The following COLQ variants were observed in gnomAD, a reference collection of about 807,000 sequenced individuals.
COLQ encodes collagen like tail subunit of asymmetric acetylcholinesterase, also known as acetylcholinesterase collagenic tail peptide.
In COLQ, 48 loss-of-function variants were observed where a neutral mutation model predicts 69.0. The observed-to-expected ratio is 0.70, with a 90% CI of 0.55 to 0.88. The LOEUF is 0.88. COLQ is among the 40% of genes least tolerant of loss of function. The pLI is 0.00. For synonymous variants in COLQ, 217 were observed against 211.2 expected, an observed-to-expected ratio of 1.03 and a Z score of -0.24; for missense variants, 618 against 594.6, an observed-to-expected ratio of 1.04 and a Z score of -0.41.
At chr3:15,494,798 G>A (rs1575487537) in intron 1 of COLQ, among the ~76,000 whole-genome samples, 3 of 152,236 alleles carry the variant, frequency 2.0e-5, no homozygotes, top group East Asian at 3.9e-4. Context: ...GAGAGCAGGA[G>A]CCAGCTTTTA....
intron 1 of COLQ, among the ~76,000 whole-genome samples, chr3:15,520,255 C>T (rs950472570): frequency 2.0e-5 from 3 of 152,256 alleles, no homozygotes; most frequent in Non-Finnish European, 2.9e-5. Context: ...CACACACCCA[C>T]GGTGACACCA....
chr3:15,509,703 A>G lies in COLQ; in HGVS notation c.106+11817T>C, dbSNP rs574032773. Among the ~76,000 whole-genome samples, 12 of 152,304 alleles carry G rather than the reference A, an allele frequency of 7.9e-5. No homozygotes were observed. In the East Asian group the frequency reaches 2.1e-3, roughly 27 times the overall value. On this transcript the variant is annotated intron_variant, in intron 1 of 16. Transcript: ENST00000383788. ...TCCTTGCAATGATGTTATGGATTGT[A>G]TATTCCCCTTTTCCAGGTGAGGAAA...
At chr3:15,504,541 T>TA (rs1441193276) in intron 1 of COLQ, among the ~76,000 whole-genome samples, 1 of 152,172 alleles carries the variant, frequency 6.6e-6, no homozygotes, top group Admixed American at 6.6e-5. Context: ...TTAATCACTT[T>TA]TATAAAGACC....
chr3:15,467,925 G>A lies in COLQ; in HGVS notation c.718-1488C>T, dbSNP rs961562411. On this transcript the variant is annotated intron_variant, in intron 11 of 16. Transcript: ENST00000383788. ...TTCTTGAACTCTGAATATGGGATCC[G>A]TGAGGTCAGAGTTTATTTCTGATTC... 9 of 456,754 alleles carry A rather than the reference G, an allele frequency of 2.0e-5. No homozygotes were observed. In the East Asian group the frequency reaches 3.5e-4, roughly 18 times the overall value. 28.3% of individuals were successfully genotyped at this position (456,754 alleles called of 1,614,324 possible).
At chr3:15,459,511 C>T in intron 12 of COLQ, among the ~76,000 whole-genome samples, 1 of 148,070 alleles carries the variant, frequency 6.8e-6, no homozygotes, top group Non-Finnish European at 1.5e-5. Flanking sequence ...CGGAGCCTCA[C>T]TCTGTCGCCC....
rs144085896 is a variant in COLQ, at chr3:15,473,593, G to A, written c.636+407C>T. 6.6e-6 allele frequency among the ~76,000 whole-genome samples: 1 copy of A among 152,316 alleles called. No homozygotes were observed. Among genetic ancestry groups the A allele is most frequent in the Non-Finnish European group, 1.5e-5 (1 of 68,022 alleles). ...CTGCAATAAGGCACAGTGACCTTAA[G>A]CTAAAGACACCTGTGCCTTACACTG... On this transcript the variant is annotated intron_variant, in intron 10 of 16. Transcript: ENST00000383788. The surrounding 1 kb of genome is among the most constrained non-coding windows in gnomAD (Gnocchi z 4.0).
intron 11 of COLQ, 31 bp downstream of exon 11, chr3:15,470,505 T>A (rs780452424): frequency 5.0e-6 from 8 of 1,607,074 alleles, no homozygotes; most frequent in South Asian, 4.4e-5. Context: ...AGTTCTGACC[T>A]CAGGCGGGTG....
intron 1 of COLQ, among the ~76,000 whole-genome samples, chr3:15,503,838 C>A (rs2125167000): frequency 6.6e-6 from 1 of 152,162 alleles, no homozygotes; most frequent in South Asian, 2.1e-4. Context: ...TCCTCCACCA[C>A]CACCACCTAG....
intron 12 of COLQ, 143 bp downstream of exon 12, chr3:15,466,198 G>A: frequency 1.6e-6 from 1 of 635,056 alleles, no homozygotes; most frequent in Non-Finnish European, 2.8e-6. Flanking sequence ...GCTAAATCGT[G>A]GAGAAATTAC....
chr3:15,482,486 G>C (rs1332736210), intron 3 of COLQ, among the ~76,000 whole-genome samples: 1 of 152,090 alleles, frequency 6.6e-6, no homozygotes, highest in Non-Finnish European at 1.5e-5. Flanking sequence ...TTTTGTCTTT[G>C]GTTCTGTTTA....
chr3:15,458,619 G>A (rs2062060673), intron 12 of COLQ, among the ~76,000 whole-genome samples: 1 of 152,164 alleles, frequency 6.6e-6, no homozygotes, highest in South Asian at 2.1e-4. Context: ...GAGAAGATAA[G>A]CCAACATGCA....
At chr3:15,519,356 G>A (rs1472305445) in intron 1 of COLQ, among the ~76,000 whole-genome samples, 1 of 152,210 alleles carries the variant, frequency 6.6e-6, no homozygotes, top group Non-Finnish European at 1.5e-5. Flanking sequence ...CCAATGAGAG[G>A]CGCTGCCAAA....
chr3:15,459,288 G>C (rs1167889040), intron 12 of COLQ, among the ~76,000 whole-genome samples: 1 of 152,170 alleles, frequency 6.6e-6, no homozygotes, highest in Non-Finnish European at 1.5e-5. Context: ...GATATGATCA[G>C]AAAGTGTACT....
chr3:15,520,392 T>C (rs1053911774), intron 1 of COLQ, among the ~76,000 whole-genome samples: 3 of 152,194 alleles, frequency 2.0e-5, no homozygotes, highest in Non-Finnish European at 4.4e-5. Context: ...CCCACAAACG[T>C]TGGCTACACA....
At chr3:15,475,609 C>A in intron 6 of COLQ, 122 bp from the exon 7 acceptor site, 1 of 868,470 alleles carries the variant, frequency 1.2e-6, no homozygotes, top group Non-Finnish European at 1.9e-6. Flanking sequence ...AATCTGAGGA[C>A]CCCAGATGCA....
chr3:15,454,648 A>G (rs1575460793), intron 15 of COLQ, among the ~76,000 whole-genome samples: 1 of 113,340 alleles, frequency 8.8e-6, no homozygotes, highest in African/African-American at 3.9e-5. Flanking sequence ...CTTCCCCTGA[A>G]CTGTTTTTTT....
rs566022055 is a variant in COLQ, at chr3:15,459,209, G to C, written c.815-884C>G. The stretch of plus-strand genomic sequence containing the variant: ...CTTTCATTTCTTCTGGAAGAAAATA[G>C]AACATTAGTATATGCTCTGCCCATT... On this transcript the variant is annotated intron_variant, in intron 12 of 16. Transcript: ENST00000383788. Among the ~76,000 whole-genome samples the C allele has an allele frequency of 9.1e-4, 139 of 152,248 alleles. 1 individual carries two copies. Among genetic ancestry groups the C allele is most frequent in the African/African-American group, 3.3e-3 (135 of 41,534 alleles).
At chr3:15,479,273 G>T in intron 4 of COLQ, 65 bp downstream of exon 4, 1 of 1,521,532 alleles carries the variant, frequency 6.6e-7, no homozygotes, top group Non-Finnish European at 9.1e-7. Flanking sequence ...ATTCTCAGTG[G>T]GATGCCCAGA....
intron 1 of COLQ, among the ~76,000 whole-genome samples, chr3:15,493,647 G>C (rs1033948510): frequency 7.2e-5 from 11 of 152,378 alleles, no homozygotes; most frequent in African/African-American, 2.6e-4. Flanking sequence ...CCAGGTGACA[G>C]GTCATGGGGG....
Sources: allele counts gnomAD v4.1 joint callset (sites outside exome capture counted in the v4.1 genomes callset), GRCh38; gene constraint gnomAD v4.1.1; non-coding constraint Gnocchi (gnomAD v3.1); transcripts MANE v1.5; gene names NCBI Gene and HGNC (gene_info 2026-07-23, HGNC 2026-07-21).